Variants in AMOTL1 observed in about 807,000 individuals in gnomAD.
AMOTL1 encodes angiomotin like 1.
AMOTL1 carries 45 observed loss-of-function variants against 102.9 expected under a neutral mutation model. The observed-to-expected ratio is 0.44, with a 90% CI of 0.34 to 0.56. AMOTL1 has a LOEUF of 0.56. Among genes scored for constraint, AMOTL1 ranks in the 20% least tolerant of loss-of-function variants. AMOTL1 has a pLI of 0.01. For missense variants in AMOTL1, 1,114 were observed against 1,225.6 expected (o/e 0.91, Z 1.36); for synonymous variants, 481 against 484.7 (o/e 0.99, Z 0.10).
chr11:94,848,531 G>A (rs958847097), intron 6 of AMOTL1, among the ~76,000 whole-genome samples: 15 of 152,116 alleles, frequency 9.9e-5, no homozygotes, highest in African/African-American at 3.1e-4. Context: ...GACATAATTC[G>A]ACAATGCAAG....
chr11:94,792,709 T>C (rs1042064500), intron 1 of AMOTL1, among the ~76,000 whole-genome samples: 2 of 152,220 alleles, frequency 1.3e-5, no homozygotes, highest in Non-Finnish European at 2.9e-5. Context: ...AAGTGATCTT[T>C]GACATGTCTT....
intron 1 of AMOTL1, among the ~76,000 whole-genome samples, chr11:94,776,728 C>G (rs554371691): frequency 6.6e-6 from 1 of 152,352 alleles, no homozygotes; most frequent in East Asian, 1.9e-4. Flanking sequence ...AGGTGTGAAG[C>G]AGGCCTTTTC....
intron 3 of AMOTL1, among the ~76,000 whole-genome samples, chr11:94,820,684 C>T (rs558363745): frequency 6.6e-6 from 1 of 152,190 alleles, no homozygotes; most frequent in Non-Finnish European, 1.5e-5. Context: ...ATGCAACTCA[C>T]CATAATGTAG....
Position 94,869,430 on chromosome 11 carries a change from C to A in AMOTL1, c.2721C>A (p.Pro907=). The change falls in exon 12 of 13, where the codon CCC becomes CCA. Residue 907 remains proline (P), a synonymous_variant. Coordinates refer to ENST00000433060, the MANE Select transcript of AMOTL1 (RefSeq NM_130847.3). ...TGAGCACGACCCCTGCTCACAGCCC[C>A]GTCCTGAAACACCCAGCGGCCAAAG... The part of the protein sequence containing the change: ...GRLSTTPAHS[P]VLKHPAAKGT... The A allele has an allele frequency of 6.2e-7, 1 of 1,604,052 alleles. No individual in the cohort carries two copies. Among genetic ancestry groups the A allele is most frequent in the South Asian group, 1.1e-5 (1 of 89,080 alleles).
rs1183143807 is a variant in AMOTL1, at chr11:94,872,399, G to A, written c.*1604G>A. 6.6e-6 allele frequency: 1 copy of A among 152,266 alleles called. No homozygotes were observed. Among genetic ancestry groups the A allele is most frequent in the Middle Eastern group, 3.2e-3 (1 of 316 alleles). The allele number at this position is 152,266 out of a possible 1,614,324, so 9.4% of individuals were successfully genotyped here. On this transcript the variant is annotated 3_prime_UTR_variant, in exon 13 of 13. Coordinates refer to ENST00000433060, the MANE Select transcript of AMOTL1 (RefSeq NM_130847.3). ...GCTTACTTAGAGGAAGAAAGAAAGG[G>A]GGGTACCTCTTCCAAGTACCTTCTA...
At position 94,735,456 on chromosome 11, in the gene AMOTL1, C is replaced by T. The variant is rs371446322; in HGVS notation, c.86-5482C>T. On this transcript the variant is annotated intron_variant, in intron 2 of 4. Coordinates refer to the AMOTL1 transcript ENST00000299004. The stretch of plus-strand genomic sequence containing the variant: ...GATTGAGTTTTCCAGATAACTGAAG[C>T]GTTATGTGTTACCCTTTAAACACTT... Among the ~76,000 whole-genome samples the T allele has an allele frequency of 3.9e-4, 59 of 152,254 alleles. No individual in the cohort carries two copies. In the South Asian group the frequency reaches 0.011, roughly 29 times the overall value.
At chr11:94,756,328 G>A (rs1280915010) in intron 3 of AMOTL1, among the ~76,000 whole-genome samples, 1 of 152,212 alleles carries the variant, frequency 6.6e-6, no homozygotes, top group Non-Finnish European at 1.5e-5. Flanking sequence ...TGGAGCCCTT[G>A]CCAGGGACCC....
At chr11:94,776,629 A>C (rs1017963102) in intron 1 of AMOTL1, among the ~76,000 whole-genome samples, 2 of 152,126 alleles carry the variant, frequency 1.3e-5, no homozygotes, top group African/African-American at 4.8e-5. Flanking sequence ...CGTGCCAGGG[A>C]GGAAGGAGGC....
At chr11:94,836,176 C>T (rs1318074861) in intron 6 of AMOTL1, among the ~76,000 whole-genome samples, 2 of 152,096 alleles carry the variant, frequency 1.3e-5, no homozygotes, top group Admixed American at 1.3e-4. Context: ...TTCTGTTGAC[C>T]CACATAGAGC....
At chr11:94,776,178 C>T (rs1951024049) in intron 1 of AMOTL1, among the ~76,000 whole-genome samples, 1 of 152,230 alleles carries the variant, frequency 6.6e-6, no homozygotes, top group Non-Finnish European at 1.5e-5. Flanking sequence ...GTTCATCTCT[C>T]CAGTGTTTGC....
intron 4 of AMOTL1, among the ~76,000 whole-genome samples, chr11:94,825,019 ACT>A (rs1315145007): frequency 2.0e-5 from 3 of 152,210 alleles, no homozygotes; most frequent in African/African-American, 4.8e-5. Flanking sequence ...AGTGATTATC[ACT>A]GTTAATGTTG....
Position 94,779,472 on chromosome 11 carries a change from A to G in AMOTL1, c.49+10912A>G, listed in dbSNP as rs201002483. 9.8e-5 allele frequency among the ~76,000 whole-genome samples: 15 copies of G among 152,350 alleles called. No individual in the cohort carries two copies. The East Asian group carries it at 2.3e-3, about 23-fold the overall frequency. On this transcript the variant is annotated intron_variant, in intron 1 of 12. Coordinates refer to ENST00000433060, the MANE Select transcript of AMOTL1 (RefSeq NM_130847.3). ...AGATGCTTTGCTTTCCGTAGTCAAG[A>G]TTATGATTCCAAAATAGACAGTAAC... is the stretch of plus-strand genomic sequence containing the variant.
In AMOTL1 at chr11:94,864,956, T is replaced by G. The variant is rs964005082; in HGVS notation, c.2261+96T>G. On this transcript the variant is annotated intron_variant, in intron 10 of 12. Transcript: ENST00000433060. ...TTCTCTGTCCTGTTCTGAAAGGCTG[T>G]GAGCATGAGGTCTCCAAAAACTCTC... 4 of 1,441,864 alleles carry G rather than the reference T, an allele frequency of 2.8e-6. No individual in the cohort carries two copies. In the Admixed American group the frequency reaches 6.5e-5, roughly 23 times the overall value. 89.3% of individuals were successfully genotyped at this position (1,441,864 alleles called of 1,614,324 possible). A position where few individuals can be genotyped will look rare whatever the true frequency, so the allele number is the denominator to read the frequency against.
intron 1 of AMOTL1, among the ~76,000 whole-genome samples, chr11:94,792,276 C>T (rs1001087396): frequency 2.6e-5 from 4 of 152,116 alleles, no homozygotes; most frequent in Non-Finnish European, 4.4e-5. Flanking sequence ...ACAATGAGAA[C>T]ACTTGGACAC....
intron 1 of AMOTL1, among the ~76,000 whole-genome samples, chr11:94,722,850 C>T (rs1392731304): frequency 6.6e-6 from 1 of 152,098 alleles, no homozygotes; most frequent in African/African-American, 2.4e-5. Flanking sequence ...TTTATGAGTT[C>T]TATTTCATAC....
Position 94,796,602 on chromosome 11 carries a change from C to T in AMOTL1, c.199+1442C>T, listed in dbSNP as rs74687439. ...GGAACCCGTAGAGTGGCTGAGGGCA[C>T]GGAAGAACGGATGGGATGGGGGAGC... On this transcript the variant is annotated intron_variant, in intron 2 of 12. Transcript: ENST00000433060. 3.3e-3 allele frequency among the ~76,000 whole-genome samples: 507 copies of T among 152,170 alleles called. 6 individuals carry two copies. Among genetic ancestry groups the T allele is most frequent in the African/African-American group, 0.012 (485 of 41,508 alleles).
intron 1 of AMOTL1, among the ~76,000 whole-genome samples, chr11:94,720,105 C>T (rs942704483): frequency 6.6e-6 from 1 of 152,030 alleles, no homozygotes; most frequent in African/African-American, 2.4e-5. Flanking sequence ...CTTGGGGATG[C>T]GATCCAAGGT....
At chr11:94,756,384 A>G (rs1377795004) in intron 3 of AMOTL1, among the ~76,000 whole-genome samples, 1 of 152,230 alleles carries the variant, frequency 6.6e-6, no homozygotes, top group Non-Finnish European at 1.5e-5. Flanking sequence ...CTGTATCATT[A>G]TTATGACCCA....
chr11:94,808,081 C>G, intron 3 of AMOTL1, among the ~76,000 whole-genome samples: 1 of 16,190 alleles, frequency 6.2e-5, no homozygotes, highest in African/African-American at 2.6e-4. Flanking sequence ...AATAAGATAG[C>G]TACAAAGACA....
Sources: gnomAD v4.1 joint callset for allele counts (sites outside exome capture counted in the v4.1 genomes callset) on GRCh38, gnomAD v4.1.1 for gene constraint, MANE v1.5 for transcripts, NCBI Gene and HGNC (gene_info 2026-07-23, HGNC 2026-07-21) for gene names.